PTPRQ: variants seen among roughly 807,000 people sequenced by gnomAD.
The protein encoded by PTPRQ is protein tyrosine phosphatase receptor type Q.
Under a neutral mutation model 246.0 loss-of-function variants are expected in PTPRQ, and 199 were observed. The observed-to-expected ratio is 0.81, with a 90% confidence interval of 0.72 to 0.91. PTPRQ has a LOEUF of 0.91. Ranked by LOEUF, PTPRQ falls within the 40% of genes least tolerant of loss-of-function variation. The probability of loss-of-function intolerance (pLI) is 0.00; values close to 1 mark genes in which losing one functional copy is unlikely to be tolerated. For synonymous variants in PTPRQ, 869 were observed against 853.2 expected (o/e 1.02, Z -0.32); for missense variants, 2,624 against 2,528.4 (o/e 1.04, Z -0.81).
At chr12:80,649,445 G>C (rs1296022425) in intron 36 of PTPRQ, 143 bp from the exon 37 acceptor site, 2 of 1,149,340 alleles carry the variant, frequency 1.7e-6, no homozygotes, top group East Asian at 2.9e-5. Flanking sequence ...AAGTATAACA[G>C]AGTGACTTTA....
intron 8 of PTPRQ, among the ~76,000 whole-genome samples, chr12:80,483,235 A>T (rs1365477838): frequency 2.3e-5 from 3 of 132,288 alleles, no homozygotes; most frequent in Non-Finnish European, 4.9e-5. Context: ...AGGGACATGG[A>T]TGAAATTGGA....
At chr12:80,480,405 C>T (rs1409125063) in intron 8 of PTPRQ, among the ~76,000 whole-genome samples, 1 of 151,704 alleles carries the variant, frequency 6.6e-6, no homozygotes, top group Non-Finnish European at 1.5e-5. Context: ...GCACTAAATG[C>T]CCACAAGAGA....
chr12:80,617,850 C>T (rs1898822297), intron 30 of PTPRQ, among the ~76,000 whole-genome samples: 1 of 151,396 alleles, frequency 6.6e-6, no homozygotes, highest in Non-Finnish European at 1.5e-5. Context: ...ATGTCCAATG[C>T]TGGATTCCTC....
chr12:80,611,854 AT>A (rs567501568), intron 28 of PTPRQ, among the ~76,000 whole-genome samples: 3 of 150,640 alleles, frequency 2.0e-5, no homozygotes, highest in African/African-American at 7.2e-5. Flanking sequence ...GTAGTAACAA[AT>A]GCAAAAATAT....
chr12:80,623,822 A>G (rs903089279), intron 33 of PTPRQ, among the ~76,000 whole-genome samples: 15 of 152,136 alleles, frequency 9.9e-5, no homozygotes, highest in African/African-American at 3.6e-4. Context: ...AGGGTAATGG[A>G]AATGAGAAAG....
At chr12:80,465,937 A>G (rs992473032) in intron 6 of PTPRQ, among the ~76,000 whole-genome samples, 2 of 152,142 alleles carry the variant, frequency 1.3e-5, no homozygotes, top group African/African-American at 4.8e-5. Context: ...TCCCTTTGAA[A>G]ACTGGCACAA....
At chr12:80,577,050 A>G (rs576473307) in intron 25 of PTPRQ, among the ~76,000 whole-genome samples, 8 of 152,342 alleles carry the variant, frequency 5.3e-5, no homozygotes, top group Non-Finnish European at 1.0e-4. Context: ...GAACTGTTTC[A>G]GATAAACTAT....
intron 3 of PTPRQ, among the ~76,000 whole-genome samples, chr12:80,450,259 A>G (rs1199226214): frequency 6.6e-6 from 1 of 152,166 alleles, no homozygotes; most frequent in African/African-American, 2.4e-5. Context: ...GTTGCCTATC[A>G]GCTTAAGGAG....
At chr12:80,624,484 A>G (rs191808209) in intron 33 of PTPRQ, among the ~76,000 whole-genome samples, 1 of 152,148 alleles carries the variant, frequency 6.6e-6, no homozygotes, top group South Asian at 2.1e-4. Context: ...TGCTATTTAG[A>G]TAGTCATTTA....
Position 80,569,185 on chromosome 12 carries a change from C to T in PTPRQ, c.4286-18944C>T, listed in dbSNP as rs1167824773. On this transcript the variant is annotated intron_variant, in intron 25 of 44. Coordinates refer to ENST00000644991, the MANE Select transcript of PTPRQ (RefSeq NM_001145026.2). ...AAATTTGTGTTCTCATTGTTCAATT[C>T]CCACCTATGAGTGAGAATATGCGGT... 2.1e-5 allele frequency among the ~76,000 whole-genome samples: 3 copies of T among 142,662 alleles called. No homozygotes were observed. The East Asian group carries it at 6.2e-4, about 30-fold the overall frequency. 93.6% of individuals were successfully genotyped at this position (142,662 alleles called of 152,430 possible).
chr12:80,633,226 T>C (rs763956082), intron 34 of PTPRQ, among the ~76,000 whole-genome samples: 1 of 152,228 alleles, frequency 6.6e-6, no homozygotes, highest in East Asian at 1.9e-4. Flanking sequence ...GTAACTCTTA[T>C]AGGTTTAATT....
At chr12:80,531,685 C>T (rs1454440070) in intron 17 of PTPRQ, among the ~76,000 whole-genome samples, 1 of 152,182 alleles carries the variant, frequency 6.6e-6, no homozygotes, top group African/African-American at 2.4e-5. Flanking sequence ...TAACCTCTTA[C>T]ATATTTGATA....
At chr12:80,648,044 T>C (rs1900134658) in intron 35 of PTPRQ, among the ~76,000 whole-genome samples, 1 of 152,164 alleles carries the variant, frequency 6.6e-6, no homozygotes, top group African/African-American at 2.4e-5. Flanking sequence ...TTGACCATTT[T>C]CATATTTATT....
Position 80,495,043 on chromosome 12 carries a change from A to C in PTPRQ, c.1651A>C (p.Ile551Leu), listed in dbSNP as rs183202655. The change falls in exon 11 of 45, where the codon ATC becomes CTC. Residue 551 changes from isoleucine to leucine, a missense_variant. Transcript: ENST00000644991. ...EHMISVSAFT[I>L]MGEGPPTVLS... ...CATGATTAGTGTATCTGCTTTCACC[A>C]TCATGGGAGAAGGACCACCAACAGT... The C allele has an allele frequency of 4.5e-6, 7 of 1,550,422 alleles. No homozygotes were observed. Among genetic ancestry groups the C allele is most frequent in the Non-Finnish European group, 5.2e-6 (6 of 1,146,258 alleles).
intron 28 of PTPRQ, among the ~76,000 whole-genome samples, chr12:80,612,837 C>T (rs541870673): frequency 1.3e-5 from 2 of 150,506 alleles, no homozygotes; most frequent in African/African-American, 4.8e-5. Flanking sequence ...GAACACTACT[C>T]GGCAATAAAA....
At chr12:80,478,635 T>G (rs1039220159) in intron 8 of PTPRQ, among the ~76,000 whole-genome samples, 2 of 151,914 alleles carry the variant, frequency 1.3e-5, no homozygotes, top group Admixed American at 6.6e-5. Flanking sequence ...TGAAAAAAAT[T>G]TAGAAGAATG....
chr12:80,495,377 AAAC>A lies in PTPRQ; in HGVS notation c.1882+9_1882+11del, dbSNP rs779751671. The A allele has an allele frequency of 3.5e-6, 5 of 1,448,446 alleles. No individual in the cohort carries two copies. The highest frequency in any genetic ancestry group is 4.5e-6 in the Non-Finnish European group (5 of 1,105,782). 89.7% of individuals were successfully genotyped at this position (1,448,446 alleles called of 1,614,324 possible). A position where few individuals can be genotyped will look rare whatever the true frequency, so the allele number is the denominator to read the frequency against. On this transcript the variant is annotated splice_region_variant and intron_variant, in intron 12 of 44. Transcript: ENST00000644991. ...TAACAGCTTTCTCATAACAGGTAGAAAACAATGTTTTGTTGTTGTTGTTGTTGT... is the reference window on the plus strand; with the variant it reads ...TAACAGCTTTCTCATAACAGGTAGAAAATGTTTTGTTGTTGTTGTTGTTGT...
At chr12:80,450,017 G>A (rs956170602) in intron 3 of PTPRQ, among the ~76,000 whole-genome samples, 1 of 152,196 alleles carries the variant, frequency 6.6e-6, no homozygotes, top group Non-Finnish European at 1.5e-5. Flanking sequence ...AGCATGGAAT[G>A]TTCTTCTTTT....
intron 3 of PTPRQ, among the ~76,000 whole-genome samples, chr12:80,451,068 T>A (rs1892750241): frequency 6.6e-6 from 1 of 152,236 alleles, no homozygotes; most frequent in Admixed American, 6.5e-5. Flanking sequence ...CTGTTAGTGG[T>A]CTATTCAGAG....
Sources: gnomAD v4.1 joint callset for allele counts (sites outside exome capture counted in the v4.1 genomes callset) on GRCh38, gnomAD v4.1.1 for gene constraint, MANE v1.5 for transcripts, NCBI Gene and HGNC (gene_info 2026-07-23, HGNC 2026-07-21) for gene names.